TMEM45B: variants seen among roughly 807,000 people sequenced by gnomAD.
The protein encoded by TMEM45B is transmembrane protein 45B.
In TMEM45B, 29 loss-of-function variants were observed where a neutral mutation model predicts 27.3. The observed-to-expected ratio is 1.06, with a 90% CI of 0.79 to 1.45. TMEM45B has a LOEUF of 1.45. Ranked by LOEUF, TMEM45B falls within the 40% of genes most tolerant of loss-of-function variation. The probability of loss-of-function intolerance (pLI) is 0.00; values close to 1 mark genes in which losing one functional copy is unlikely to be tolerated. For missense variants in TMEM45B, 348 were observed against 343.9 expected (o/e 1.01, Z -0.09); for synonymous variants, 143 against 134.7 (o/e 1.06, Z -0.43).
chr11:129,854,916 C>A, intron 3 of TMEM45B, 100 bp downstream of exon 3: 1 of 1,394,540 alleles, frequency 7.2e-7, no homozygotes, highest in Non-Finnish European at 9.8e-7. Flanking sequence ...ATATAATAAC[C>A]TCCCCCAGAA....
At position 129,854,746 on chromosome 11, in the gene TMEM45B, C is replaced by A. The variant is rs762952587; in HGVS notation, c.315C>A (p.Leu105=). The change falls in exon 3 of 6, where the codon CTC becomes CTA. Residue 105 remains leucine (L), a synonymous_variant. Transcript: ENST00000281441. ...FFAVSGIVDM[L]TYLVSHVPLG... is the part of the protein sequence containing the mutation. ...CAGTCTCAGGAATTGTTGACATGCTCACCTATCTGGTCAGCCACGTTCCCT... is the reference window on the plus strand; with the variant it reads ...CAGTCTCAGGAATTGTTGACATGCTAACCTATCTGGTCAGCCACGTTCCCT... 2 of 1,614,202 alleles carry A rather than the reference C, an allele frequency of 1.2e-6. No homozygotes were observed. The highest frequency in any genetic ancestry group is 4.5e-5 in the East Asian group (2 of 44,884).
chr11:129,842,171 C>T (rs903600698), intron 1 of TMEM45B, among the ~76,000 whole-genome samples: 5 of 152,156 alleles, frequency 3.3e-5, no homozygotes, highest in African/African-American at 1.2e-4. Flanking sequence ...CCTTCAGACA[C>T]ACATGGGATG....
At position 129,829,198 on chromosome 11, in the gene TMEM45B, A is replaced by T. The variant is rs1321459262; in HGVS notation, c.-9+13300A>T. ...TTAGGTCTGACACTACATAGTTCATATTCTATTATGTGACTATATTCCTCC... is the reference window on the plus strand; with the variant it reads ...TTAGGTCTGACACTACATAGTTCATTTTCTATTATGTGACTATATTCCTCC... On this transcript the variant is annotated intron_variant, in intron 1 of 5. Transcript: ENST00000281441. 3.3e-5 allele frequency among the ~76,000 whole-genome samples: 5 copies of T among 152,236 alleles called. No homozygotes were observed. The East Asian group carries it at 5.8e-4, about 18-fold the overall frequency.
At position 129,857,349 on chromosome 11, in the gene TMEM45B, G is replaced by A. The variant is rs141623441; in HGVS notation, c.607G>A (p.Glu203Lys). 1.3e-5 allele frequency: 21 copies of A among 1,614,038 alleles called. No homozygotes were observed. Among genetic ancestry groups the A allele is most frequent in the African/African-American group, 1.2e-4 (9 of 74,918 alleles). The change falls in exon 5 of 6, where the codon GAA becomes AAA. Residue 203 changes from glutamate to lysine, a missense_variant. Physicochemically the swap from Glu to Lys is moderately conservative, Grantham distance 56 (BLOSUM62 1). Transcript: ENST00000281441. ...FVLFPPFGTP[E>K]WDQKDDANLM... Reference sequence around the variant, plus strand: ...GCTGTTCCCACCTTTTGGAACACCCGAATGGGACCAGAAGGATGATGCCAA... The same window carrying A: ...GCTGTTCCCACCTTTTGGAACACCCAAATGGGACCAGAAGGATGATGCCAA...
intron 1 of TMEM45B, among the ~76,000 whole-genome samples, chr11:129,830,782 G>GA (rs1434988765): frequency 2.0e-5 from 3 of 152,136 alleles, no homozygotes; most frequent in South Asian, 2.1e-4. Flanking sequence ...ATGGCTAAAT[G>GA]AAAAAAGACA....
In TMEM45B at chr11:129,858,644, A is replaced by G. The variant is rs1947964792; in HGVS notation, c.787A>G (p.Thr263Ala). ...IGIQKLNSDD[T>A]YQTALLSGSD... ...AATTCAGAAGCTGAATTCAGATGAC[A>G]CTTACCAGACCGCCCTCTTGAGTGG... is the stretch of plus-strand genomic sequence containing the variant. Residue 263 changes from threonine (T) to alanine (A), a missense_variant, in exon 6 of 6, where the codon ACT becomes GCT. By Grantham distance (58) the Thr-to-Ala change is moderately conservative. Transcript: ENST00000281441. 1.3e-6 allele frequency: 2 copies of G among 1,577,700 alleles called. No individual in the cohort carries two copies. Among genetic ancestry groups the G allele is most frequent in the Non-Finnish European group, 1.7e-6 (2 of 1,160,338 alleles).
At chr11:129,837,820 C>T (rs1391656401) in intron 1 of TMEM45B, among the ~76,000 whole-genome samples, 3 of 105,600 alleles carry the variant, frequency 2.8e-5, no homozygotes, top group Non-Finnish European at 5.5e-5. Flanking sequence ...CTTGCTTTAT[C>T]GCCCAGGCTG....
chr11:129,858,304 A>G (rs1307372812), intron 5 of TMEM45B, among the ~76,000 whole-genome samples: 1 of 152,188 alleles, frequency 6.6e-6, no homozygotes, highest in Non-Finnish European at 1.5e-5. Context: ...AGCTCAAGTC[A>G]GTTTCTTTTA....
intron 1 of TMEM45B, among the ~76,000 whole-genome samples, chr11:129,845,271 ATGTGTG>A (rs10537485): frequency 2.0e-3 from 282 of 140,390 alleles, no homozygotes; most frequent in African/African-American, 3.5e-3. Flanking sequence ...GTGTGTGTGT[ATGTGTG>A]TGTGTGTGTG....
Position 129,847,232 on chromosome 11 carries a change from C to T in TMEM45B, c.-8-5243C>T, listed in dbSNP as rs541524543. 2.6e-5 allele frequency among the ~76,000 whole-genome samples: 4 copies of T among 152,126 alleles called. No homozygotes were observed. In the South Asian group the frequency reaches 8.3e-4, roughly 32 times the overall value. Reference sequence around the variant, plus strand: ...GTTTTTGCCATTACGTTTGCACCCACCCATTAACTACAATGGTGGAGGTAA... The same window carrying T: ...GTTTTTGCCATTACGTTTGCACCCATCCATTAACTACAATGGTGGAGGTAA... On this transcript the variant is annotated intron_variant, in intron 1 of 5. Transcript: ENST00000281441.
chr11:129,856,293 C>A (rs976291155), intron 4 of TMEM45B, among the ~76,000 whole-genome samples: 6 of 151,088 alleles, frequency 4.0e-5, no homozygotes, highest in African/African-American at 1.5e-4. Context: ...CTGACTGCAA[C>A]CTCCATCTCC....
At chr11:129,858,088 C>A (rs1947955531) in intron 5 of TMEM45B, among the ~76,000 whole-genome samples, 1 of 152,164 alleles carries the variant, frequency 6.6e-6, no homozygotes, top group Non-Finnish European at 1.5e-5. Context: ...CAAGGTCACC[C>A]CACTAATAAA....
Position 129,858,700 on chromosome 11 carries a change from G to A in TMEM45B, c.*15G>A, listed in dbSNP as rs1287146300. Reference sequence around the variant, plus strand: ...ATGAGGAATGAGCCGAGATGCGGAGGGCGCAGATGTCCCACTGCACAGCTG... The same window carrying A: ...ATGAGGAATGAGCCGAGATGCGGAGAGCGCAGATGTCCCACTGCACAGCTG... On this transcript the variant is annotated 3_prime_UTR_variant, in exon 6 of 6. Transcript: ENST00000281441. The A allele has an allele frequency of 4.6e-6, 7 of 1,532,898 alleles. No individual in the cohort carries two copies. The Admixed American group carries it at 9.8e-5, about 22-fold the overall frequency. 95.0% of individuals were successfully genotyped at this position (1,532,898 alleles called of 1,614,324 possible). A position where few individuals can be genotyped will look rare whatever the true frequency, so the allele number is the denominator to read the frequency against.
intron 1 of TMEM45B, among the ~76,000 whole-genome samples, chr11:129,816,993 G>T (rs910534300): frequency 1.7e-4 from 25 of 150,754 alleles, no homozygotes; most frequent in African/African-American, 6.1e-4. Flanking sequence ...TGATCCACCC[G>T]CCTCAGCCTC....
chr11:129,820,519 T>C (rs940177538), intron 1 of TMEM45B, among the ~76,000 whole-genome samples: 3 of 152,176 alleles, frequency 2.0e-5, no homozygotes, highest in Non-Finnish European at 2.9e-5. Context: ...GGGGAACTTT[T>C]TTAAATGGTA....
chr11:129,840,972 CAACA>C (rs1947683781), intron 1 of TMEM45B, among the ~76,000 whole-genome samples: 1 of 78,916 alleles, frequency 1.3e-5, no homozygotes, highest in South Asian at 4.7e-4. Context: ...AAAAAAAAAG[CAACA>C]AACAACCAAA....
chr11:129,823,801 C>A (rs1169659640), intron 1 of TMEM45B, among the ~76,000 whole-genome samples: 4 of 152,146 alleles, frequency 2.6e-5, no homozygotes, highest in African/African-American at 9.7e-5. Flanking sequence ...TAGGTTATCA[C>A]CAACCACCCT....
At chr11:129,846,588 A>G (rs1032290169) in intron 1 of TMEM45B, among the ~76,000 whole-genome samples, 17 of 152,224 alleles carry the variant, frequency 1.1e-4, no homozygotes, top group African/African-American at 3.4e-4. Context: ...TAAGCTGTGG[A>G]CTAACCACAA....
intron 1 of TMEM45B, among the ~76,000 whole-genome samples, chr11:129,822,975 G>A (rs1052369179): frequency 6.6e-6 from 1 of 151,588 alleles, no homozygotes; most frequent in Non-Finnish European, 1.5e-5. Context: ...TGAGTAGCTG[G>A]GATTACAGGC....
Sources: allele counts gnomAD v4.1 joint callset (sites outside exome capture counted in the v4.1 genomes callset), GRCh38; gene constraint gnomAD v4.1.1; transcripts MANE v1.5; gene names NCBI Gene and HGNC (gene_info 2026-07-23, HGNC 2026-07-21).